The following DNM3 variants were observed in gnomAD, a reference collection of about 807,000 sequenced individuals.
DNM3 encodes the protein dynamin-3.
Under a neutral mutation model 101.6 loss-of-function variants are expected in DNM3, and 47 were observed. That is an observed-to-expected ratio of 0.46 (90% confidence interval 0.37 to 0.59). The LOEUF (loss-of-function observed/expected upper bound fraction) is 0.59, where lower values mean the gene tolerates loss of function less well. Ranked by LOEUF, DNM3 falls within the 20% of genes least tolerant of loss-of-function variation. The probability of loss-of-function intolerance (pLI) is 0.00; values close to 1 mark genes in which losing one functional copy is unlikely to be tolerated. For synonymous variants in DNM3, 385 were observed against 387.9 expected, an observed-to-expected ratio of 0.99 and a Z score of 0.09; for missense variants, 849 against 1,085.7, an observed-to-expected ratio of 0.78 and a Z score of 3.06.
At chr1:172,060,008 C>T (rs1411120726) in intron 10 of DNM3, among the ~76,000 whole-genome samples, 1 of 151,428 alleles carries the variant, frequency 6.6e-6, no homozygotes. Flanking sequence ...TCTCAGGATA[C>T]AAAATCAATG....
intron 10 of DNM3, among the ~76,000 whole-genome samples, chr1:172,059,030 A>G (rs1379628179): frequency 6.6e-6 from 1 of 152,198 alleles, no homozygotes; most frequent in East Asian, 1.9e-4. Context: ...CAGATCACAC[A>G]GAAATAAAAA....
At chr1:171,974,650 A>C (rs749038272) in intron 2 of DNM3, among the ~76,000 whole-genome samples, 5 of 152,230 alleles carry the variant, frequency 3.3e-5, no homozygotes, top group Non-Finnish European at 7.3e-5. Context: ...TGCATAATGC[A>C]TTAGGTTTTA....
intron 1 of DNM3, among the ~76,000 whole-genome samples, chr1:171,870,776 G>A (rs2035202484): frequency 6.6e-6 from 1 of 152,114 alleles, no homozygotes; most frequent in Non-Finnish European, 1.5e-5. Context: ...AACACAATCA[G>A]GTACCCAAAC....
At position 171,841,519 on chromosome 1, in the gene DNM3, G is replaced by T. The variant is rs1203161452; in HGVS notation, c.-138G>T. On this transcript the variant is annotated 5_prime_UTR_variant, in exon 1 of 21. Coordinates refer to ENST00000627582, the MANE Select transcript of DNM3 (RefSeq NM_015569.5). ...TGTCAGAGCCAAGCGGCGGGCTGGC[G>T]GCGGGCTCCGACGTCTGCGCCAGGA... The T allele has an allele frequency of 5.7e-6, 7 of 1,235,684 alleles. No homozygotes were observed. Among genetic ancestry groups the T allele is most frequent in the East Asian group, 3.0e-5 (1 of 33,438 alleles). 76.5% of individuals were successfully genotyped at this position (1,235,684 alleles called of 1,614,324 possible). A position where few individuals can be genotyped will look rare whatever the true frequency, so the allele number is the denominator to read the frequency against.
intron 4 of DNM3, among the ~76,000 whole-genome samples, chr1:171,997,846 G>A (rs1442567126): frequency 2.0e-5 from 3 of 152,116 alleles, no homozygotes; most frequent in Non-Finnish European, 1.5e-5. Flanking sequence ...ATGGCATCTT[G>A]TGTGTGAAGA....
At chr1:171,943,271 C>T (rs1398247577) in intron 2 of DNM3, among the ~76,000 whole-genome samples, 1 of 152,060 alleles carries the variant, frequency 6.6e-6, no homozygotes, top group African/African-American at 2.4e-5. Context: ...AAATTCTAAG[C>T]CCACCAACCA....
At chr1:172,208,446 A>G (rs1365191537) in intron 14 of DNM3, among the ~76,000 whole-genome samples, 1 of 152,024 alleles carries the variant, frequency 6.6e-6, no homozygotes, top group Non-Finnish European at 1.5e-5. Flanking sequence ...AAGCAGGTTT[A>G]CCCTCCATAA....
chr1:172,051,126 A>G (rs906842870), intron 10 of DNM3, among the ~76,000 whole-genome samples: 3 of 152,188 alleles, frequency 2.0e-5, no homozygotes, highest in Non-Finnish European at 2.9e-5. Context: ...TTTACCCTTT[A>G]GCTTTCTTCA....
At chr1:171,854,512 C>CA (rs1170766266) in intron 1 of DNM3, among the ~76,000 whole-genome samples, 1 of 151,920 alleles carries the variant, frequency 6.6e-6, no homozygotes, top group African/African-American at 2.4e-5. Flanking sequence ...TTTTCTGAGA[C>CA]AAAGTCTCGC....
At chr1:172,243,989 A>G (rs980919633) in intron 14 of DNM3, among the ~76,000 whole-genome samples, 1 of 152,074 alleles carries the variant, frequency 6.6e-6, no homozygotes. Flanking sequence ...AGCATTAGGT[A>G]TATCTCCCAA....
chr1:172,229,430 GT>G, intron 14 of DNM3, among the ~76,000 whole-genome samples: 1 of 152,252 alleles, frequency 6.6e-6, no homozygotes, highest in Admixed American at 6.5e-5. Context: ...GTATATAAGT[GT>G]CTAATTAAGT....
intron 2 of DNM3, among the ~76,000 whole-genome samples, chr1:171,984,229 C>T (rs899945835): frequency 9.2e-5 from 14 of 152,306 alleles, no homozygotes; most frequent in South Asian, 8.3e-4. Context: ...GTCCTCAACA[C>T]AGCATCCACA....
intron 1 of DNM3, among the ~76,000 whole-genome samples, chr1:171,916,774 C>G (rs976361067): frequency 3.3e-5 from 5 of 152,150 alleles, no homozygotes; most frequent in Non-Finnish European, 7.4e-5. Flanking sequence ...AGAAAATAGA[C>G]AAACACAAAC....
intron 1 of DNM3, among the ~76,000 whole-genome samples, chr1:171,882,268 G>C (rs1042947114): frequency 6.6e-6 from 1 of 151,566 alleles, no homozygotes; most frequent in African/African-American, 2.4e-5. Context: ...GCTTGAACCT[G>C]GGAGGCGGAG....
intron 14 of DNM3, among the ~76,000 whole-genome samples, chr1:172,173,292 C>A (rs771714379): frequency 5.9e-5 from 9 of 151,482 alleles, no homozygotes; most frequent in Non-Finnish European, 1.0e-4. Context: ...TCAGGGATGA[C>A]GCCAAAGTTT....
intron 2 of DNM3, among the ~76,000 whole-genome samples, chr1:171,971,995 GT>G (rs1234595239): frequency 6.6e-6 from 1 of 152,166 alleles, no homozygotes; most frequent in Non-Finnish European, 1.5e-5. Context: ...AACACTGGAA[GT>G]TCTAAAATGC....
At chr1:172,014,666 A>G (rs537058923) in intron 4 of DNM3, among the ~76,000 whole-genome samples, 73 of 152,032 alleles carry the variant, frequency 4.8e-4, no homozygotes, top group African/African-American at 1.6e-3. Context: ...TTTTAAGAGT[A>G]TTTTTGTGTA....
intron 7 of DNM3, among the ~76,000 whole-genome samples, chr1:172,040,834 G>A (rs2049327069): frequency 6.6e-6 from 1 of 151,642 alleles, no homozygotes; most frequent in Non-Finnish European, 1.5e-5. Context: ...AGAGAATGGT[G>A]TTCTGAGCAG....
intron 14 of DNM3, among the ~76,000 whole-genome samples, chr1:172,161,616 T>A (rs1274570578): frequency 6.6e-6 from 1 of 152,034 alleles, no homozygotes; most frequent in South Asian, 2.1e-4. Context: ...AACTAAATGA[T>A]TCAGGACTGC....
Sources: allele counts gnomAD v4.1 joint callset (sites outside exome capture counted in the v4.1 genomes callset), GRCh38; gene constraint gnomAD v4.1.1; transcripts MANE v1.5; gene names NCBI Gene and HGNC (gene_info 2026-07-23, HGNC 2026-07-21).